The following RIC8B variants were observed in gnomAD, a reference collection of about 807,000 sequenced individuals.
The protein encoded by RIC8B is chaperone Ric-8B.
RIC8B carries 16 observed loss-of-function variants against 57.5 expected under a neutral mutation model. That is an observed-to-expected ratio of 0.28 (90% CI 0.19 to 0.42). The LOEUF is 0.42. Ranked by LOEUF, RIC8B falls within the 10% of genes least tolerant of loss-of-function variation. RIC8B has a pLI of 1.00. For synonymous variants in RIC8B, 216 were observed against 250.8 expected, an observed-to-expected ratio of 0.86 and a Z score of 1.31; for missense variants, 481 against 677.0, an observed-to-expected ratio of 0.71 and a Z score of 3.21.
intron 2 of RIC8B, among the ~76,000 whole-genome samples, chr12:106,808,072 G>A (rs536983512): frequency 3.7e-4 from 52 of 140,778 alleles, no homozygotes; most frequent in African/African-American, 1.3e-3. Context: ...GCAAAAGAGC[G>A]AGACTCTGTC....
chr12:106,784,412 A>G (rs147465437), intron 2 of RIC8B, among the ~76,000 whole-genome samples: 21 of 152,310 alleles, frequency 1.4e-4, no homozygotes, highest in South Asian at 1.0e-3. Flanking sequence ...GTCTCGCTCT[A>G]TCACCCAGGT....
chr12:106,781,991 T>C (rs1364630480), intron 1 of RIC8B, among the ~76,000 whole-genome samples: 2 of 152,164 alleles, frequency 1.3e-5, no homozygotes, highest in African/African-American at 4.8e-5. Context: ...CCCTCAGATT[T>C]ACAATCTTTC....
intron 1 of RIC8B, among the ~76,000 whole-genome samples, chr12:106,781,880 C>A (rs947450055): frequency 2.6e-5 from 4 of 151,998 alleles, no homozygotes; most frequent in Non-Finnish European, 4.4e-5. Context: ...TTGTATTGAA[C>A]CTTTAGGGGC....
intron 2 of RIC8B, among the ~76,000 whole-genome samples, chr12:106,789,770 T>A (rs2044188821): frequency 6.6e-6 from 1 of 152,148 alleles, no homozygotes; most frequent in African/African-American, 2.4e-5. Flanking sequence ...TCGTTCTCTT[T>A]CCTAAATGTG....
At chr12:106,803,326 C>T (rs1188256988) in intron 2 of RIC8B, among the ~76,000 whole-genome samples, 5 of 151,548 alleles carry the variant, frequency 3.3e-5, no homozygotes, top group African/African-American at 1.2e-4. Context: ...CTACAAAACC[C>T]ATTTTTATAG....
rs538885313 is a variant in RIC8B at position 106,886,220 on chromosome 12, G to A, written c.*205G>A. The A allele has an allele frequency of 2.5e-5, 12 of 470,668 alleles. No homozygotes were observed. Among genetic ancestry groups the A allele is most frequent in the African/African-American group, 1.8e-4 (9 of 50,236 alleles). 29.2% of individuals were successfully genotyped at this position (470,668 alleles called of 1,614,324 possible). A position where few individuals can be genotyped will look rare whatever the true frequency, so the allele number is the denominator to read the frequency against. ...CATTCATACAGAGCTGCAGTTAGAC[G>A]GGGTTACGGGGGCTAAAAGCAGAAA... On this transcript the variant is annotated 3_prime_UTR_variant, in exon 10 of 10. Transcript: ENST00000392837.
At chr12:106,853,807 T>C (rs982448973) in intron 7 of RIC8B, among the ~76,000 whole-genome samples, 1 of 152,148 alleles carries the variant, frequency 6.6e-6, no homozygotes, top group Non-Finnish European at 1.5e-5. Context: ...ATAAGTTTAG[T>C]AAATGTATTC....
chr12:106,803,696 C>G (rs1448778619), intron 2 of RIC8B, among the ~76,000 whole-genome samples: 2 of 152,178 alleles, frequency 1.3e-5, no homozygotes, highest in Non-Finnish European at 2.9e-5. Context: ...TTCACCAACT[C>G]ATAGTAAAGA....
chr12:106,823,690 T>C (rs1426360763), intron 3 of RIC8B, among the ~76,000 whole-genome samples: 1 of 151,856 alleles, frequency 6.6e-6, no homozygotes, highest in Non-Finnish European at 1.5e-5. Flanking sequence ...GATAATTTTT[T>C]TTTTTTTTTT....
chr12:106,852,137 G>C (rs1420677752), intron 7 of RIC8B, among the ~76,000 whole-genome samples: 1 of 152,184 alleles, frequency 6.6e-6, no homozygotes, highest in Admixed American at 6.5e-5. Flanking sequence ...CTGTACTACA[G>C]TGTAATAAAT....
chr12:106,830,789 C>A (rs1156707214), intron 4 of RIC8B, among the ~76,000 whole-genome samples: 1 of 152,110 alleles, frequency 6.6e-6, no homozygotes, highest in East Asian at 1.9e-4. Flanking sequence ...ACTGTCTTAT[C>A]ATCTGCTTTA....
rs1441182233 is a variant in RIC8B, at chr12:106,846,740, C to T, written c.1161+2793C>T. On this transcript the variant is annotated intron_variant, in intron 6 of 9. Transcript: ENST00000392837. ...AGAACAGCCAAAAAAAAAAAAAAAA[C>T]CTATTAGTTAAATACTTCTTAATAT... is the stretch of plus-strand genomic sequence containing the variant. Among the ~76,000 whole-genome samples, 4 of 129,026 alleles carry T rather than the reference C, an allele frequency of 3.1e-5. No homozygotes were observed. In the South Asian group the frequency reaches 7.8e-4, roughly 25 times the overall value. The allele number at this position is 129,026 out of a possible 152,430, so 84.6% of individuals were successfully genotyped here.
At chr12:106,830,055 G>A (rs117223908) in intron 4 of RIC8B, among the ~76,000 whole-genome samples, 290 of 152,330 alleles carry the variant, frequency 1.9e-3, no homozygotes, top group Non-Finnish European at 3.6e-3. Context: ...CTTCAGGCCA[G>A]TAACACACTG....
intron 1 of RIC8B, among the ~76,000 whole-genome samples, chr12:106,776,523 A>G (rs1207255155): frequency 6.6e-6 from 1 of 152,124 alleles, no homozygotes; most frequent in Non-Finnish European, 1.5e-5. Context: ...AGGAGGAAAA[A>G]CCTTCAACTG....
At chr12:106,865,277 G>A (rs1367979339) in intron 8 of RIC8B, among the ~76,000 whole-genome samples, 1 of 152,084 alleles carries the variant, frequency 6.6e-6, no homozygotes, top group African/African-American at 2.4e-5. Flanking sequence ...ATTATTTTCT[G>A]GGGTTGCTTG....
chr12:106,851,334 TTTGC>T, intron 6 of RIC8B, 112 bp from the exon 7 acceptor site: 3 of 441,736 alleles, frequency 6.8e-6, no homozygotes, highest in South Asian at 1.3e-4. Flanking sequence ...TTTTTTTTTT[TTTGC>T]TCCTACAATA....
chr12:106,821,380 A>C (rs529147164), intron 3 of RIC8B, among the ~76,000 whole-genome samples: 34 of 152,340 alleles, frequency 2.2e-4, no homozygotes, highest in Non-Finnish European at 4.4e-4. Flanking sequence ...CAGTAGTGAA[A>C]GAATGGGCTT....
intron 6 of RIC8B, among the ~76,000 whole-genome samples, chr12:106,848,609 T>C (rs894963860): frequency 6.6e-6 from 1 of 151,916 alleles, no homozygotes; most frequent in African/African-American, 2.4e-5. Flanking sequence ...ATTTCAGAGG[T>C]GGAGCTGACA....
At chr12:106,786,593 T>G (rs1396281164) in intron 2 of RIC8B, among the ~76,000 whole-genome samples, 1 of 152,208 alleles carries the variant, frequency 6.6e-6, no homozygotes, top group Non-Finnish European at 1.5e-5. Flanking sequence ...CCAAGAAGTG[T>G]CTCTTTTAGA....
Sources: allele counts gnomAD v4.1 joint callset (sites outside exome capture counted in the v4.1 genomes callset), GRCh38; gene constraint gnomAD v4.1.1; transcripts MANE v1.5; gene names NCBI Gene and HGNC (gene_info 2026-07-23, HGNC 2026-07-21).